Variants in WWOX observed in about 807,000 individuals in gnomAD.
The protein encoded by WWOX is WW domain-containing oxidoreductase.
A neutral mutation model predicts 46.2 loss-of-function variants in WWOX; 69 were observed. That is an observed-to-expected ratio of 1.49 (90% CI 1.23 to 1.82). The LOEUF (loss-of-function observed/expected upper bound fraction) is 1.82. Among genes scored for constraint, WWOX ranks in the 40% most tolerant of loss-of-function variants. The pLI is 0.00. For synonymous variants in WWOX, 359 were observed against 202.6 expected (o/e 1.77, Z -6.56); for missense variants, 919 against 542.6 (o/e 1.69, Z -6.89).
chr16:78,283,294 C>T (rs1401538465), intron 5 of WWOX, among the ~76,000 whole-genome samples: 1 of 152,136 alleles, frequency 6.6e-6, no homozygotes, highest in Non-Finnish European at 1.5e-5. Context: ...AGGGCCAGCA[C>T]TGTAGTATTT....
intron 8 of WWOX, among the ~76,000 whole-genome samples, chr16:78,645,334 C>T (rs1332170422): frequency 6.6e-6 from 1 of 152,016 alleles, no homozygotes; most frequent in African/African-American, 2.4e-5. Flanking sequence ...AAATGACCAC[C>T]CATGGGTGGC....
At chr16:78,860,979 C>G (rs527970642) in intron 8 of WWOX, among the ~76,000 whole-genome samples, 1 of 152,170 alleles carries the variant, frequency 6.6e-6, no homozygotes, top group South Asian at 2.1e-4. Context: ...TAACTCGCAA[C>G]TAATTTTTTG....
chr16:79,155,812 C>T (rs760141194), intron 8 of WWOX, among the ~76,000 whole-genome samples: 3 of 151,592 alleles, frequency 2.0e-5, no homozygotes, highest in Non-Finnish European at 4.4e-5. Flanking sequence ...TTGTCTTATA[C>T]CAGTGGTGCC....
Position 78,581,684 on chromosome 16 carries a change from A to C in WWOX, c.1056+148932A>C, listed in dbSNP as rs528451016. ...TGCTACCCATAGATTGAAGTAGTTT[A>C]TACCAGTACATTTTTTAGGTGCCTT... On this transcript the variant is annotated intron_variant, in intron 8 of 8. Transcript: ENST00000566780. Among the ~76,000 whole-genome samples, 3 of 152,304 alleles carry C rather than the reference A, an allele frequency of 2.0e-5. No homozygotes were observed. The South Asian group carries it at 6.2e-4, about 32-fold the overall frequency.
rs905938589 is a variant in WWOX, at chr16:78,651,912, A to G, written c.1056+219160A>G. 2.0e-5 allele frequency among the ~76,000 whole-genome samples: 3 copies of G among 152,246 alleles called. No individual in the cohort carries two copies. In the South Asian group the frequency reaches 6.2e-4, roughly 32 times the overall value. ...TAGCTATTCCCATAGGGAGTGAGAG[A>G]GAGTGTAAGTAAAATGCAATGGCAG... On this transcript the variant is annotated intron_variant, in intron 8 of 8. Transcript: ENST00000566780.
chr16:78,276,748 C>T (rs2079585735), intron 5 of WWOX, among the ~76,000 whole-genome samples: 1 of 152,078 alleles, frequency 6.6e-6, no homozygotes. Context: ...TGCTTTCCAC[C>T]CACACCTGGC....
At chr16:79,118,832 T>C (rs2049570920) in intron 8 of WWOX, among the ~76,000 whole-genome samples, 1 of 152,228 alleles carries the variant, frequency 6.6e-6, no homozygotes, top group African/African-American at 2.4e-5. Flanking sequence ...CATTTCATCA[T>C]GTTGTTCTAA....
chr16:79,145,502 C>T (rs138874002), intron 8 of WWOX, among the ~76,000 whole-genome samples: 128 of 152,186 alleles, frequency 8.4e-4, no homozygotes, highest in African/African-American at 2.9e-3. Context: ...GCATCCAGCC[C>T]ACAAATATTA....
intron 8 of WWOX, among the ~76,000 whole-genome samples, chr16:78,902,771 A>C (rs2044862453): frequency 6.6e-6 from 1 of 152,220 alleles, no homozygotes; most frequent in Non-Finnish European, 1.5e-5. Flanking sequence ...TCTAAGAATG[A>C]AAGTAAATCT....
At position 78,404,048 on chromosome 16, in the gene WWOX, C is replaced by T. The variant is rs72628244; in HGVS notation, c.605+17100C>T. On this transcript the variant is annotated intron_variant, in intron 6 of 8. Transcript: ENST00000566780. ...CCTAGCAGAAGTCTTTTGCAAAGGG[C>T]GAGGCGAGGCTAAAAAGTATAGAAG... Among the ~76,000 whole-genome samples the T allele has an allele frequency of 7.0e-3, 1,071 of 152,120 alleles. 25 individuals carry two copies. In the East Asian group the frequency reaches 0.086, roughly 12 times the overall value.
chr16:79,149,778 C>A (rs927070858), intron 8 of WWOX, among the ~76,000 whole-genome samples: 1 of 152,214 alleles, frequency 6.6e-6, no homozygotes, highest in African/African-American at 2.4e-5. Flanking sequence ...TCTGGCCTCA[C>A]GTTGCTTGGT....
At chr16:78,420,860 TAGGAA>T (rs1447762807) in intron 6 of WWOX, among the ~76,000 whole-genome samples, 1 of 151,952 alleles carries the variant, frequency 6.6e-6, no homozygotes, top group Non-Finnish European at 1.5e-5. Flanking sequence ...AAACAGGAAA[TAGGAA>T]AAAAAGTAAT....
At chr16:79,050,299 C>T (rs2048142462) in intron 8 of WWOX, among the ~76,000 whole-genome samples, 1 of 152,138 alleles carries the variant, frequency 6.6e-6, no homozygotes, top group Admixed American at 6.5e-5. Context: ...GGCTTTCTGC[C>T]CTAGGCTGGA....
At chr16:78,752,819 C>T (rs557059545) in intron 8 of WWOX, among the ~76,000 whole-genome samples, 3 of 152,274 alleles carry the variant, frequency 2.0e-5, no homozygotes, top group South Asian at 2.1e-4. Flanking sequence ...AATGGCCTGG[C>T]GAGCCGCCTT....
At chr16:78,710,690 C>T (rs888836079) in intron 8 of WWOX, among the ~76,000 whole-genome samples, 1 of 150,946 alleles carries the variant, frequency 6.6e-6, no homozygotes, top group Non-Finnish European at 1.5e-5. Flanking sequence ...TCATGGCTCA[C>T]TGTAGCCTCA....
At chr16:78,281,161 G>A (rs2079671793) in intron 5 of WWOX, 1 of 152,238 alleles carries the variant, frequency 6.6e-6, no homozygotes, top group African/African-American at 2.4e-5. Flanking sequence ...CTGCACACCA[G>A]TAAGTATTCT....
chr16:79,040,675 C>G (rs2047953781), intron 8 of WWOX, among the ~76,000 whole-genome samples: 1 of 152,074 alleles, frequency 6.6e-6, no homozygotes, highest in South Asian at 2.1e-4. Flanking sequence ...CATCATCAAC[C>G]CCTCCCCAGC....
chr16:78,475,012 C>T (rs116041278), intron 8 of WWOX, among the ~76,000 whole-genome samples: 1 of 152,160 alleles, frequency 6.6e-6, no homozygotes, highest in African/African-American at 2.4e-5. Flanking sequence ...TCTTTGTAGC[C>T]ACCAAGAGCC....
At chr16:79,112,995 C>G (rs2049446358) in intron 8 of WWOX, among the ~76,000 whole-genome samples, 1 of 152,196 alleles carries the variant, frequency 6.6e-6, no homozygotes, top group African/African-American at 2.4e-5. Context: ...TCTTCATGAT[C>G]TAGCAAGTTC....
Sources: allele counts gnomAD v4.1 joint callset (sites outside exome capture counted in the v4.1 genomes callset), GRCh38; gene constraint gnomAD v4.1.1; transcripts MANE v1.5; gene names NCBI Gene and HGNC (gene_info 2026-07-23, HGNC 2026-07-21).